The following LUZP2 variants were observed in gnomAD, a reference collection of about 807,000 sequenced individuals.
LUZP2 encodes the protein leucine zipper protein 2.
A neutral mutation model predicts 51.6 loss-of-function variants in LUZP2; 52 were observed. The ratio of observed to expected loss-of-function variants is 1.01; its 90% CI spans 0.81 to 1.27. LUZP2 has a LOEUF of 1.27. LUZP2 is among the 50% of genes most tolerant of loss of function. The probability of loss-of-function intolerance (pLI) is 0.00; values close to 1 mark genes in which losing one functional copy is unlikely to be tolerated. For synonymous variants in LUZP2, 154 were observed against 137.3 expected (o/e 1.12, Z -0.85); for missense variants, 436 against 395.4 (o/e 1.10, Z -0.87).
At position 24,890,880 on chromosome 11, in the gene LUZP2, G is replaced by A. The variant is rs918995958; in HGVS notation, c.397-15111G>A. The stretch of plus-strand genomic sequence containing the variant: ...TAAAGCATTTTAGGGCCATTTACAG[G>A]AGGAGTAAAAGTTCTTTTTTTTTTT... On this transcript the variant is annotated intron_variant, in intron 5 of 11. Coordinates refer to ENST00000336930, the MANE Select transcript of LUZP2 (RefSeq NM_001009909.4). 7 of 956,230 alleles carry A rather than the reference G, an allele frequency of 7.3e-6. No homozygotes were observed. The African/African-American group carries it at 1.3e-4, about 18-fold the overall frequency. 59.2% of individuals were successfully genotyped at this position (956,230 alleles called of 1,614,324 possible). A position where few individuals can be genotyped will look rare whatever the true frequency, so the allele number is the denominator to read the frequency against.
chr11:24,780,926 T>C (rs2134073599), intron 5 of LUZP2, among the ~76,000 whole-genome samples: 1 of 152,240 alleles, frequency 6.6e-6, no homozygotes, highest in South Asian at 2.1e-4. Flanking sequence ...AAAAATCCCT[T>C]TTCAGCATCC....
chr11:24,835,689 C>T (rs1850842660), intron 5 of LUZP2, among the ~76,000 whole-genome samples: 1 of 151,918 alleles, frequency 6.6e-6, no homozygotes, highest in African/African-American at 2.4e-5. Flanking sequence ...TTCCTGATGC[C>T]TATTTCATTT....
chr11:24,731,409 T>C (rs1040011468), intron 2 of LUZP2, among the ~76,000 whole-genome samples: 67 of 151,836 alleles, frequency 4.4e-4, no homozygotes, highest in African/African-American at 1.6e-3. Context: ...ATTAATTAGT[T>C]TATTGAATAT....
At chr11:24,553,713 AG>A (rs1590173354) in intron 1 of LUZP2, among the ~76,000 whole-genome samples, 1 of 152,232 alleles carries the variant, frequency 6.6e-6, no homozygotes, top group East Asian at 1.9e-4. Flanking sequence ...GAGGAGAAAA[AG>A]CTCACTCTTG....
chr11:24,783,232 A>G (rs1444306524), intron 5 of LUZP2, among the ~76,000 whole-genome samples: 1 of 151,982 alleles, frequency 6.6e-6, no homozygotes, highest in African/African-American at 2.4e-5. Context: ...GCATTTTGTT[A>G]AGTTGGATGT....
intron 1 of LUZP2, among the ~76,000 whole-genome samples, chr11:24,649,988 C>G (rs1296071064): frequency 2.0e-5 from 3 of 151,376 alleles, no homozygotes; most frequent in South Asian, 2.1e-4. Context: ...CACACACACA[C>G]ACACACACAC....
At position 24,624,011 on chromosome 11, in the gene LUZP2, G is replaced by T. The variant is rs932213114; in HGVS notation, c.63-105158G>T. Among the ~76,000 whole-genome samples the T allele has an allele frequency of 3.9e-5, 6 of 152,176 alleles. 1 individual carries two copies. In the South Asian group the frequency reaches 1.2e-3, roughly 32 times the overall value. ...CTTAGAAATATTTATTGTTCATATA[G>T]TGTGTTCATAATCATGACTTGATTT... On this transcript the variant is annotated intron_variant, in intron 1 of 11. Transcript: ENST00000336930.
At chr11:24,827,125 T>C (rs1262834614) in intron 5 of LUZP2, among the ~76,000 whole-genome samples, 2 of 152,212 alleles carry the variant, frequency 1.3e-5, no homozygotes, top group Non-Finnish European at 1.5e-5. Context: ...ACCAATTATG[T>C]ATAAGATTGA....
intron 1 of LUZP2, among the ~76,000 whole-genome samples, chr11:24,718,839 C>T (rs902254906): frequency 6.6e-6 from 1 of 152,126 alleles, no homozygotes; most frequent in Admixed American, 6.5e-5. Context: ...CAGTGTACAA[C>T]GGTGTGTGGG....
At chr11:25,024,733 T>C (rs989059231) in intron 9 of LUZP2, among the ~76,000 whole-genome samples, 6 of 151,532 alleles carry the variant, frequency 4.0e-5, no homozygotes, top group African/African-American at 1.2e-4. Flanking sequence ...AGGTAATTTA[T>C]AGATTCAATG....
In LUZP2 at chr11:24,926,096, C is replaced by G. The variant is rs980240181; in HGVS notation, c.522+11558C>G. 3.3e-5 allele frequency among the ~76,000 whole-genome samples: 5 copies of G among 151,436 alleles called. No individual in the cohort carries two copies. The South Asian group carries it at 8.4e-4, about 25-fold the overall frequency. ...GTTCCTTTTTATGGCTGATGAGTAT[C>G]CCATGGTGTGTGTTTGTGTGTGTAT... is the stretch of plus-strand genomic sequence containing the variant. On this transcript the variant is annotated intron_variant, in intron 7 of 11. Transcript: ENST00000336930.
intron 5 of LUZP2, among the ~76,000 whole-genome samples, chr11:24,769,954 G>A (rs941427955): frequency 5.3e-5 from 8 of 151,900 alleles, no homozygotes; most frequent in Non-Finnish European, 8.8e-5. Context: ...CAGCACCCCC[G>A]GCTAAATTTT....
intron 5 of LUZP2, among the ~76,000 whole-genome samples, chr11:24,853,259 A>G (rs1005999090): frequency 6.6e-6 from 1 of 152,006 alleles, no homozygotes; most frequent in East Asian, 1.9e-4. Context: ...CTCTTGTAAC[A>G]TGGGCCTGGT....
chr11:24,586,198 T>G (rs1283372415), intron 1 of LUZP2, among the ~76,000 whole-genome samples: 2 of 152,122 alleles, frequency 1.3e-5, no homozygotes, highest in African/African-American at 2.4e-5. Context: ...GCATGTATGT[T>G]CAATCATAGT....
chr11:24,960,531 C>T (rs867419020), intron 7 of LUZP2, among the ~76,000 whole-genome samples: 11 of 152,016 alleles, frequency 7.2e-5, no homozygotes, highest in African/African-American at 1.7e-4. Flanking sequence ...AGTTTATTTG[C>T]GTAGAGGTGT....
chr11:24,973,631 G>A (rs1855809837), intron 7 of LUZP2, among the ~76,000 whole-genome samples: 1 of 151,390 alleles, frequency 6.6e-6, no homozygotes, highest in Non-Finnish European at 1.5e-5. Context: ...AGAGATTTTG[G>A]TACATTGTCT....
rs2133836157 is a variant in LUZP2, at chr11:24,932,524, G to A, written c.522+17986G>A. Among the ~76,000 whole-genome samples, 2 of 152,240 alleles carry A rather than the reference G, an allele frequency of 1.3e-5. 1 individual carries two copies. The highest frequency in any genetic ancestry group is 4.1e-4 in the South Asian group (2 of 4,824). On this transcript the variant is annotated intron_variant, in intron 7 of 11. Coordinates refer to ENST00000336930, the MANE Select transcript of LUZP2 (RefSeq NM_001009909.4). ...GTGGTTCTCAGGCCAATTGAATTAT[G>A]TTCCCAGAAGAATTATAGCTGCCTA...
At chr11:24,582,476 C>T (rs1249090595) in intron 1 of LUZP2, among the ~76,000 whole-genome samples, 1 of 151,838 alleles carries the variant, frequency 6.6e-6, no homozygotes. Flanking sequence ...GTAAGATTTT[C>T]AAAAATGAAT....
intron 5 of LUZP2, among the ~76,000 whole-genome samples, chr11:24,785,639 A>C (rs961713078): frequency 6.6e-6 from 1 of 152,078 alleles, no homozygotes; most frequent in South Asian, 2.1e-4. Context: ...CAATTCCAAT[A>C]ATAACATGTT....
Sources: gnomAD v4.1 joint callset for allele counts (sites outside exome capture counted in the v4.1 genomes callset) on GRCh38, gnomAD v4.1.1 for gene constraint, MANE v1.5 for transcripts, NCBI Gene and HGNC (gene_info 2026-07-23, HGNC 2026-07-21) for gene names.